IPO11: variants seen among roughly 807,000 people sequenced by gnomAD.
The protein encoded by IPO11 is importin 11, also known as importin-11.
IPO11 carries 66 observed loss-of-function variants against 143.2 expected under a neutral mutation model. The ratio of observed to expected loss-of-function variants is 0.46; its 90% CI spans 0.38 to 0.57. IPO11 has a LOEUF of 0.57. IPO11 is among the 20% of genes least tolerant of loss of function. The pLI is 0.00. For missense variants in IPO11, 1,026 were observed against 1,141.0 expected, an observed-to-expected ratio of 0.90 and a Z score of 1.45; for synonymous variants, 385 against 377.8, an observed-to-expected ratio of 1.02 and a Z score of -0.22.
chr5:62,598,394 TTC>T (rs146124924), intron 28 of IPO11, among the ~76,000 whole-genome samples: 1 of 8,426 alleles, frequency 1.2e-4, no homozygotes, highest in Non-Finnish European at 1.8e-4. Context: ...CTTGCTTGCT[TTC>T]TTTCTTTCTT....
chr5:62,430,876 C>A (rs2112115804), intron 1 of IPO11, among the ~76,000 whole-genome samples: 1 of 151,784 alleles, frequency 6.6e-6, no homozygotes, highest in South Asian at 2.1e-4. Flanking sequence ...TGGGGTTTCA[C>A]CATGTTGGCC....
Position 62,470,378 on chromosome 5 carries a change from C to G in IPO11, c.708+70C>G, listed in dbSNP as rs555530781. On this transcript the variant is annotated intron_variant, in intron 7 of 29. Coordinates refer to ENST00000325324, the MANE Select transcript of IPO11 (RefSeq NM_016338.5). ...TTTCCTGAATGTTTGAAAGAGTGCT[C>G]TTTTTATTTGGCATTCAATTAGAAG... 8.3e-6 allele frequency: 11 copies of G among 1,325,876 alleles called. No individual in the cohort carries two copies. In the South Asian group the frequency reaches 9.5e-5, roughly 11 times the overall value. The allele number at this position is 1,325,876 out of a possible 1,614,324, so 82.1% of individuals were successfully genotyped here.
intron 2 of IPO11, among the ~76,000 whole-genome samples, chr5:62,442,394 AAC>A (rs1744515928): frequency 1.3e-5 from 2 of 152,170 alleles, no homozygotes; most frequent in South Asian, 2.1e-4. Flanking sequence ...GGAATTTTCA[AAC>A]ACACCTTAAA....
At chr5:62,476,851 GTAAGGAAACC>G in intron 9 of IPO11, 98 bp downstream of exon 9, 1 of 1,263,772 alleles carries the variant, frequency 7.9e-7, no homozygotes, top group Non-Finnish European at 1.0e-6. Flanking sequence ...TCACTTTAGT[GTAAGGAAACC>G]TATGTTCTGA....
intron 2 of IPO11, among the ~76,000 whole-genome samples, chr5:62,438,680 A>G (rs1744327869): frequency 6.6e-6 from 1 of 151,518 alleles, no homozygotes; most frequent in Admixed American, 6.6e-5. Flanking sequence ...TGAACTCAGG[A>G]GGCGGAGGTT....
chr5:62,513,200 G>A (rs1403656335), intron 19 of IPO11, among the ~76,000 whole-genome samples: 1 of 151,846 alleles, frequency 6.6e-6, no homozygotes, highest in Non-Finnish European at 1.5e-5. Flanking sequence ...CCGGGTGGCT[G>A]GCCAGGCGGG....
At chr5:62,479,102 G>C (rs147951274) in intron 9 of IPO11, among the ~76,000 whole-genome samples, 2 of 151,968 alleles carry the variant, frequency 1.3e-5, no homozygotes, top group East Asian at 3.9e-4. Flanking sequence ...CCACCCCACG[G>C]CAGGCCCCGG....
At position 62,470,325 on chromosome 5, in the gene IPO11, A is replaced by G; in HGVS notation, c.708+17A>G. The stretch of plus-strand genomic sequence containing the variant: ...GAGGTGATGGTAAGTGATCGAAGAA[A>G]TTTGCTGTGACTTTGGGAAAGTGGT... On this transcript the variant is annotated intron_variant, in intron 7 of 29. Transcript: ENST00000325324. 1.2e-6 allele frequency: 2 copies of G among 1,610,916 alleles called. No homozygotes were observed. The highest frequency in any genetic ancestry group is 2.2e-5 in the East Asian group (1 of 44,770).
At chr5:62,581,312 A>G in intron 27 of IPO11, 1 of 1,494,018 alleles carries the variant, frequency 6.7e-7, no homozygotes. Context: ...TTATAACTCA[A>G]CTAAATATTG....
intron 21 of IPO11, among the ~76,000 whole-genome samples, chr5:62,529,567 A>G (rs1023080872): frequency 6.6e-6 from 1 of 152,112 alleles, no homozygotes; most frequent in African/African-American, 2.4e-5. Context: ...ATGTTTAACA[A>G]TTTAAAAATT....
intron 19 of IPO11, among the ~76,000 whole-genome samples, chr5:62,514,579 G>A (rs28615140): frequency 0.58 from 84,457 of 146,396 alleles, 24,534 homozygotes; most frequent in South Asian, 0.68. Context: ...GAGGGAGACC[G>A]TGGAAAGGAG....
intron 22 of IPO11, among the ~76,000 whole-genome samples, chr5:62,535,386 TG>T (rs2112321573): frequency 6.6e-6 from 1 of 152,236 alleles, no homozygotes; most frequent in South Asian, 2.1e-4. Context: ...TGTTCATTGT[TG>T]GTCTACAAAA....
intron 12 of IPO11, among the ~76,000 whole-genome samples, chr5:62,486,828 T>C (rs934968867): frequency 2.6e-5 from 4 of 152,146 alleles, no homozygotes; most frequent in Admixed American, 6.5e-5. Context: ...TTATTAGTTA[T>C]CAACTCATGG....
intron 9 of IPO11, among the ~76,000 whole-genome samples, chr5:62,482,243 GATTC>G (rs1746240746): frequency 1.3e-5 from 2 of 152,114 alleles, no homozygotes; most frequent in Non-Finnish European, 2.9e-5. Context: ...CCAGCTCCTG[GATTC>G]ATTGATTTTT....
intron 3 of IPO11, 105 bp from the exon 4 acceptor site, chr5:62,449,822 G>A (rs947855096): frequency 7.7e-6 from 5 of 647,224 alleles, no homozygotes; most frequent in Non-Finnish European, 1.0e-5. Context: ...ACCAATCAGA[G>A]ACACATGTTT....
At chr5:62,589,004 G>C (rs1319501544) in intron 27 of IPO11, among the ~76,000 whole-genome samples, 2 of 152,002 alleles carry the variant, frequency 1.3e-5, no homozygotes, top group Non-Finnish European at 2.9e-5. Flanking sequence ...GCTTCCCACT[G>C]TGTGCCTCCA....
At chr5:62,585,972 C>G (rs1197231749) in intron 27 of IPO11, among the ~76,000 whole-genome samples, 1 of 152,070 alleles carries the variant, frequency 6.6e-6, no homozygotes, top group Non-Finnish European at 1.5e-5. Flanking sequence ...AGGAAGAGAA[C>G]CTGGTTTTGA....
chr5:62,470,817 T>TTTTTTTA (rs1745744597), intron 7 of IPO11, among the ~76,000 whole-genome samples: 1 of 13,358 alleles, frequency 7.5e-5, no homozygotes, highest in African/African-American at 5.6e-4. Context: ...AGCCATCTTC[T>TTTTTTTA]TTTTTTTTTT....
chr5:62,590,057 G>T (rs561051114), intron 27 of IPO11, among the ~76,000 whole-genome samples: 3 of 152,272 alleles, frequency 2.0e-5, no homozygotes, highest in South Asian at 4.1e-4. Context: ...TAAAGTTCTG[G>T]ATTTCAGTCT....
Sources: gnomAD v4.1 joint callset for allele counts (sites outside exome capture counted in the v4.1 genomes callset) on GRCh38, gnomAD v4.1.1 for gene constraint, MANE v1.5 for transcripts, NCBI Gene and HGNC (gene_info 2026-07-23, HGNC 2026-07-21) for gene names.